Variants in FCHSD2 observed in about 807,000 individuals in gnomAD.
FCHSD2 encodes FCH and double SH3 domains 2.
In FCHSD2, 38 loss-of-function variants were observed where a neutral mutation model predicts 108.1. The observed-to-expected ratio is 0.35, with a 90% confidence interval of 0.27 to 0.46. The LOEUF (loss-of-function observed/expected upper bound fraction) is 0.46. Ranked by LOEUF, FCHSD2 falls within the 20% of genes least tolerant of loss-of-function variation. The pLI is 1.00. For missense variants in FCHSD2, 751 were observed against 897.8 expected (o/e 0.84, Z 2.09); for synonymous variants, 279 against 314.7 (o/e 0.89, Z 1.20).
chr11:72,887,022 A>G (rs1427404158), intron 12 of FCHSD2, among the ~76,000 whole-genome samples: 1 of 151,916 alleles, frequency 6.6e-6, no homozygotes, highest in Non-Finnish European at 1.5e-5. Flanking sequence ...AGCCCAGCTC[A>G]TGCCCCTGGA....
chr11:73,138,421 T>C (rs181263952), intron 2 of FCHSD2, among the ~76,000 whole-genome samples: 21 of 152,128 alleles, frequency 1.4e-4, no homozygotes, highest in Admixed American at 1.2e-3. Flanking sequence ...CAACAGAAAT[T>C]ATTACAACTA....
At chr11:73,094,250 C>T (rs1269549822) in intron 2 of FCHSD2, among the ~76,000 whole-genome samples, 3 of 151,956 alleles carry the variant, frequency 2.0e-5, no homozygotes, top group Non-Finnish European at 2.9e-5. Flanking sequence ...AACAAATCTA[C>T]CAGAATGGTA....
chr11:73,137,329 T>TA (rs1052647935), intron 2 of FCHSD2, among the ~76,000 whole-genome samples: 91 of 152,046 alleles, frequency 6.0e-4, no homozygotes, highest in African/African-American at 2.0e-3. Flanking sequence ...CTAACTCCTT[T>TA]AAAAAAAACC....
At chr11:72,972,979 T>C (rs920508904) in intron 8 of FCHSD2, among the ~76,000 whole-genome samples, 2 of 152,226 alleles carry the variant, frequency 1.3e-5, no homozygotes, top group Non-Finnish European at 2.9e-5. Context: ...TAAGAATCTC[T>C]AGCACAAGTG....
chr11:72,923,212 T>C (rs1290210043), intron 8 of FCHSD2, among the ~76,000 whole-genome samples: 1 of 152,186 alleles, frequency 6.6e-6, no homozygotes, highest in African/African-American at 2.4e-5. Flanking sequence ...TTGACTATTA[T>C]AAATAATGCT....
rs191057746 is a variant in FCHSD2, at chr11:73,075,046, G to T, written c.165+8649C>A. On this transcript the variant is annotated intron_variant, in intron 3 of 19. Coordinates refer to ENST00000409418, the MANE Select transcript of FCHSD2 (RefSeq NM_014824.3). The stretch of plus-strand genomic sequence containing the variant: ...ATATTTAGATGCCCAATCAAGATAT[G>T]AAAAGTTCCTCTAATTCATTAATCA... 4.8e-3 allele frequency among the ~76,000 whole-genome samples: 734 copies of T among 152,268 alleles called. 5 individuals carry two copies. The highest frequency in any genetic ancestry group is 0.017 in the African/African-American group (712 of 41,538).
chr11:73,108,945 T>G (rs959173428), intron 2 of FCHSD2, among the ~76,000 whole-genome samples: 1 of 152,262 alleles, frequency 6.6e-6, no homozygotes, highest in Non-Finnish European at 1.5e-5. Flanking sequence ...TTCATTCTTC[T>G]GCATACGGAT....
chr11:73,031,267 A>G (rs1233477103), intron 3 of FCHSD2, among the ~76,000 whole-genome samples: 2 of 152,114 alleles, frequency 1.3e-5, no homozygotes, highest in African/African-American at 4.8e-5. Context: ...TGCTAGAGCC[A>G]AGTTTGAGAC....
At chr11:72,907,079 T>C (rs554371980) in intron 9 of FCHSD2, among the ~76,000 whole-genome samples, 1 of 152,266 alleles carries the variant, frequency 6.6e-6, no homozygotes, top group Non-Finnish European at 1.5e-5. Context: ...GTAAGTTGGA[T>C]TCCTAGGTAT....
intron 14 of FCHSD2, among the ~76,000 whole-genome samples, chr11:72,844,280 C>A (rs954779794): frequency 6.6e-6 from 1 of 152,036 alleles, no homozygotes; most frequent in African/African-American, 2.4e-5. Flanking sequence ...GAACTATGTA[C>A]GTGAATTTGA....
intron 19 of FCHSD2, 88 bp from the exon 20 acceptor site, chr11:72,838,962 A>C: frequency 1.7e-6 from 2 of 1,174,864 alleles, no homozygotes; most frequent in Non-Finnish European, 2.5e-6. Context: ...CATCTGTCCA[A>C]GGACATGGGC....
chr11:73,116,290 AGTAAATTTTT>A (rs1860599137), intron 2 of FCHSD2, among the ~76,000 whole-genome samples: 2 of 152,174 alleles, frequency 1.3e-5, no homozygotes, highest in African/African-American at 4.8e-5. Context: ...GATTCTATTT[AGTAAATTTTT>A]GTTGACGATA....
chr11:73,077,097 C>CAAAAAAAAAAAAAAAA (rs372641793), intron 3 of FCHSD2, among the ~76,000 whole-genome samples: 6 of 72,472 alleles, frequency 8.3e-5, no homozygotes, highest in East Asian at 5.3e-4. Flanking sequence ...GACTCTGTCT[C>CAAAAAAAAAAAAAAAA]AAAAAAAAAA....
intron 8 of FCHSD2, among the ~76,000 whole-genome samples, chr11:72,938,947 G>A (rs1856358237): frequency 6.6e-6 from 1 of 152,130 alleles, no homozygotes; most frequent in African/African-American, 2.4e-5. Flanking sequence ...AGTAAGGATA[G>A]GGTCACAGAA....
chr11:73,121,264 A>T (rs1860728951), intron 2 of FCHSD2, among the ~76,000 whole-genome samples: 1 of 152,082 alleles, frequency 6.6e-6, no homozygotes, highest in Non-Finnish European at 1.5e-5. Flanking sequence ...TTATCCCAGA[A>T]GGAGCTCTGG....
At chr11:72,854,352 A>G (rs1423642298) in intron 13 of FCHSD2, among the ~76,000 whole-genome samples, 1 of 152,246 alleles carries the variant, frequency 6.6e-6, no homozygotes, top group Non-Finnish European at 1.5e-5. Context: ...TGGATAAGTA[A>G]AATGTATGTA....
intron 2 of FCHSD2, among the ~76,000 whole-genome samples, chr11:73,119,527 C>A (rs1420986886): frequency 1.3e-5 from 2 of 152,138 alleles, no homozygotes; most frequent in Non-Finnish European, 2.9e-5. Context: ...GGCAGTGGCA[C>A]AATTATAGCT....
chr11:72,840,903 C>T lies in FCHSD2; in HGVS notation c.2113G>A (p.Glu705Lys), dbSNP rs745524855. Residue 705 changes from glutamate (E) to lysine (K), a missense_variant, in exon 19 of 20, where the codon GAG (glutamate) becomes AAG (lysine). Coordinates refer to ENST00000409418, the MANE Select transcript of FCHSD2 (RefSeq NM_014824.3). ...GGTCGCAGTTTGCCATATGAGGTCT[C>T]AGGAGTATGCCTTGATGCCTGTGAG... ...GFSQASRHTP[E>K]TSYGKLRPVR... 1 of 1,613,184 alleles carries T rather than the reference C, an allele frequency of 6.2e-7. No homozygotes were observed. The highest frequency in any genetic ancestry group is 8.5e-7 in the Non-Finnish European group (1 of 1,179,198).
rs184105479 is a variant in FCHSD2 at position 72,949,408 on chromosome 11, C to A, written c.706-27458G>T. Reference sequence around the variant, plus strand: ...GAGGTTACAGTGAGCCGAGATCATGCCACTGCACTCTAGCCTGGGCACCAA... The same window carrying A: ...GAGGTTACAGTGAGCCGAGATCATGACACTGCACTCTAGCCTGGGCACCAA... On this transcript the variant is annotated intron_variant, in intron 8 of 19. Transcript: ENST00000409418. 3.9e-3 allele frequency among the ~76,000 whole-genome samples: 595 copies of A among 152,040 alleles called. 8 individuals carry two copies. In the South Asian group the frequency reaches 0.04, roughly 10 times the overall value.
Sources: allele counts gnomAD v4.1 joint callset (sites outside exome capture counted in the v4.1 genomes callset), GRCh38; gene constraint gnomAD v4.1.1; transcripts MANE v1.5; gene names NCBI Gene and HGNC (gene_info 2026-07-23, HGNC 2026-07-21).